The following CCDC163 variants were observed in gnomAD, a reference collection of about 807,000 sequenced individuals.
The protein encoded by CCDC163 is CCDC163 homolog, also known as transmembrane protein CCDC163.
Under a neutral mutation model 8.2 loss-of-function variants are expected in CCDC163, and 13 were observed. The observed-to-expected ratio is 1.59, with a 90% CI of 1.04 to 2.54. CCDC163 has a LOEUF of 2.54. Ranked by LOEUF, CCDC163 falls within the 30% of genes most tolerant of loss-of-function variation. The pLI, the probability that CCDC163 is intolerant of heterozygous loss-of-function variation, is 0.00. For missense variants in CCDC163, 117 were observed against 78.6 expected (o/e 1.49, Z -1.85); for synonymous variants, 41 against 30.9 (o/e 1.33, Z -1.08).
chr1:45,495,479 T>G, intron 4 of CCDC163: 1 of 702,778 alleles, frequency 1.4e-6, no homozygotes, highest in Non-Finnish European at 2.6e-6. Context: ...AAGAGCTGGA[T>G]GAAGAAACAG....
At position 45,495,121 on chromosome 1, in the gene CCDC163, T is replaced by C. The variant is rs143970888; in HGVS notation, c.376A>G (p.Ser126Gly). 2.2e-5 allele frequency: 17 copies of C among 780,792 alleles called. 1 individual carries two copies. In the Admixed American group the frequency reaches 2.5e-4, roughly 12 times the overall value. 48.4% of individuals were successfully genotyped at this position (780,792 alleles called of 1,614,324 possible). The change falls in exon 5 of 5, where the codon AGC (serine) becomes GGC (glycine). Residue 126 changes from serine to glycine, a missense_variant. Physicochemically the swap from Ser to Gly is moderately conservative, Grantham distance 56. Transcript: ENST00000629482. ...TTGCTTAAGACTCTGGGCATGGAGC[T>C]GAAAGATGCTGGGCTCCAGGTTAGA... ...PFLTWSPASF[S>G]SMPRVLSKRT...
rs1329507444 is a variant in CCDC163 at position 45,499,852 on chromosome 1, A to C, written c.-243T>G. On this transcript the variant is annotated 5_prime_UTR_variant, in exon 1 of 5. Coordinates refer to ENST00000629482, the MANE Select transcript of CCDC163 (RefSeq NM_001102601.3). ...AGCGGGATACCGTGATGATACGCAGATATCAGGTGGGGATTGAAGGTGCCA... is the reference window on the plus strand; with the variant it reads ...AGCGGGATACCGTGATGATACGCAGCTATCAGGTGGGGATTGAAGGTGCCA... The C allele has an allele frequency of 7.2e-6, 4 of 555,746 alleles. No individual in the cohort carries two copies. Among genetic ancestry groups the C allele is most frequent in the Admixed American group, 3.1e-5 (1 of 32,298 alleles). The allele number at this position is 555,746 out of a possible 1,614,324, so 34.4% of individuals were successfully genotyped here.
Position 45,497,323 on chromosome 1 carries a change from A to G in CCDC163, c.238T>C (p.Leu80=), listed in dbSNP as rs1458707003. The G allele has an allele frequency of 2.6e-6, 2 of 780,132 alleles. No individual in the cohort carries two copies. The highest frequency in any genetic ancestry group is 2.4e-6 in the Non-Finnish European group (1 of 417,576). The allele number at this position is 780,132 out of a possible 1,614,324, so 48.3% of individuals were successfully genotyped here. A position where few individuals can be genotyped will look rare whatever the true frequency, so the allele number is the denominator to read the frequency against. ...WEESEIMQKE[L]KLLQYQLSQH... ...CTCAACTGGTACTGCAGCAACTTCA[A>G]TTCCTTCTGCATAATCTCTGACTCC... Residue 80 remains leucine, a synonymous_variant, in exon 3 of 5, where the codon TTG becomes CTG. Transcript: ENST00000629482.
intron 4 of CCDC163, 54 bp from the exon 5 acceptor site, chr1:45,495,220 T>C: frequency 1.3e-6 from 1 of 779,944 alleles, no homozygotes; most frequent in South Asian, 1.3e-5. Context: ...CATTGTGATA[T>C]GCATAGAACT....
At chr1:45,495,404 G>A in intron 4 of CCDC163, 1 of 702,858 alleles carries the variant, frequency 1.4e-6, no homozygotes. Context: ...GGGAATCCTT[G>A]TCCTTATCCT....
At chr1:45,498,412 AAAAG>A (rs1177566909) in intron 2 of CCDC163, 1 of 155,882 alleles carries the variant, frequency 6.4e-6, no homozygotes, top group African/African-American at 2.4e-5. Flanking sequence ...AAAAAAAAAA[AAAAG>A]AAGGCAAGGT....
At chr1:45,496,787 CAA>C (rs1301273964) in intron 3 of CCDC163, among the ~76,000 whole-genome samples, 164 bp from the exon 4 acceptor site, 1 of 152,200 alleles carries the variant, frequency 6.6e-6, no homozygotes, top group Non-Finnish European at 1.5e-5. Flanking sequence ...CCATGAGAGA[CAA>C]AGAGTGCAAC....
chr1:45,499,642 T>A lies in CCDC163; in HGVS notation c.-33A>T, dbSNP rs776044639. 8.1e-6 allele frequency: 6 copies of A among 737,180 alleles called. No homozygotes were observed. In the South Asian group the frequency reaches 8.7e-5, roughly 11 times the overall value. The allele number at this position is 737,180 out of a possible 1,614,324, so 45.7% of individuals were successfully genotyped here. ...GGCAGGGGAGCGGCAGGGGTCTGGCTCCCTGGTGTCTTGTGCTTGCTCTCC... is the reference window on the plus strand; with the variant it reads ...GGCAGGGGAGCGGCAGGGGTCTGGCACCCTGGTGTCTTGTGCTTGCTCTCC... On this transcript the variant is annotated 5_prime_UTR_variant, in exon 1 of 5. Coordinates refer to ENST00000629482, the MANE Select transcript of CCDC163 (RefSeq NM_001102601.3).
chr1:45,497,771 C>T, intron 2 of CCDC163, among the ~76,000 whole-genome samples: 1 of 133,736 alleles, frequency 7.5e-6, no homozygotes. Flanking sequence ...GTGTCAGCCC[C>T]CCGCCCGGCC....
intron 4 of CCDC163, 179 bp downstream of exon 4, chr1:45,496,377 C>T (rs1263604420): frequency 1.3e-5 from 9 of 692,810 alleles, no homozygotes; most frequent in African/African-American, 3.5e-5. Flanking sequence ...TTCTCATGGC[C>T]GGGAGCAGAA....
rs560617593 is a variant in CCDC163, at chr1:45,499,601, C to G, written c.9G>C (p.Thr3=). MN[T]SLSWFEQLDV... ...CCAGCTGCTCAAACCAGCTGAGGCTCGTATTCATATCCTGTGGCAGGGGAG... is the reference window on the plus strand; with the variant it reads ...CCAGCTGCTCAAACCAGCTGAGGCTGGTATTCATATCCTGTGGCAGGGGAG... The change falls in exon 1 of 5, where the codon ACG becomes ACC. Residue 3 remains threonine (T), a synonymous_variant. Transcript: ENST00000629482. 10 of 771,340 alleles carry G rather than the reference C, an allele frequency of 1.3e-5. No individual in the cohort carries two copies. The Admixed American group carries it at 1.4e-4, about 11-fold the overall frequency. 47.8% of individuals were successfully genotyped at this position (771,340 alleles called of 1,614,324 possible).
chr1:45,495,135 C>T lies in CCDC163; in HGVS notation c.362G>A (p.Ser121Asn). ...IPRGAPFLTW[S>N]PASFSSMPRV... ...GGGCATGGAGCTGAAAGATGCTGGGCTCCAGGTTAGAAAGGGTGCTCCTCT... is the reference window on the plus strand; with the variant it reads ...GGGCATGGAGCTGAAAGATGCTGGGTTCCAGGTTAGAAAGGGTGCTCCTCT... Residue 121 changes from serine to asparagine, a missense_variant, in exon 5 of 5, where the codon AGC (serine) becomes AAC (asparagine). Coordinates refer to ENST00000629482, the MANE Select transcript of CCDC163 (RefSeq NM_001102601.3). 1 of 780,772 alleles carries T rather than the reference C, an allele frequency of 1.3e-6. No individual in the cohort carries two copies. 48.4% of individuals were successfully genotyped at this position (780,772 alleles called of 1,614,324 possible).
At chr1:45,495,940 G>A (rs1215669793) in intron 4 of CCDC163, among the ~76,000 whole-genome samples, 2 of 152,168 alleles carry the variant, frequency 1.3e-5, no homozygotes, top group South Asian at 2.1e-4. Flanking sequence ...TTATAGGCGT[G>A]AGCCACCGCG....
Position 45,497,198 on chromosome 1 carries a change from A to G in CCDC163, c.262+101T>C, listed in dbSNP as rs555168503. The G allele has an allele frequency of 6.7e-6, 4 of 599,490 alleles. No homozygotes were observed. The Admixed American group carries it at 1.2e-4, about 17-fold the overall frequency. 37.1% of individuals were successfully genotyped at this position (599,490 alleles called of 1,614,324 possible). A position where few individuals can be genotyped will look rare whatever the true frequency, so the allele number is the denominator to read the frequency against. On this transcript the variant is annotated intron_variant, in intron 3 of 4. Coordinates refer to ENST00000629482, the MANE Select transcript of CCDC163 (RefSeq NM_001102601.3). Reference sequence around the variant, plus strand: ...GGGCAACAGAGCAAGACTCCATCTCAAAAAGAATAAAAATAAATAAAAATA... The same window carrying G: ...GGGCAACAGAGCAAGACTCCATCTCGAAAAGAATAAAAATAAATAAAAATA...
Position 45,495,029 on chromosome 1 carries a change from T to A in CCDC163, c.*30A>T. The A allele has an allele frequency of 1.3e-6, 1 of 780,784 alleles. No individual in the cohort carries two copies. The highest frequency in any genetic ancestry group is 2.4e-6 in the Non-Finnish European group (1 of 417,946). The allele number at this position is 780,784 out of a possible 1,614,324, so 48.4% of individuals were successfully genotyped here. ...AGGGTGGGCAAAGAAGCCTTCATCC[T>A]ACTATTCTTAACGAGTCCTTACAGG... is the stretch of plus-strand genomic sequence containing the variant. On this transcript the variant is annotated 3_prime_UTR_variant, in exon 5 of 5. Coordinates refer to ENST00000629482, the MANE Select transcript of CCDC163 (RefSeq NM_001102601.3).
chr1:45,499,593 C>CTG lies in CCDC163; in HGVS notation c.15_16dup (p.Ser6ThrfsTer76), dbSNP rs1643482448. ...AAGCACATCCAGCTGCTCAAACCAG[C>CTG]TGAGGCTCGTATTCATATCCTGTGG... is the stretch of plus-strand genomic sequence containing the variant. On this transcript the variant is annotated frameshift_variant, in exon 1 of 5. Coordinates refer to ENST00000629482, the MANE Select transcript of CCDC163 (RefSeq NM_001102601.3). LOFTEE classifies it high-confidence loss of function. The CTG allele has an allele frequency of 7.8e-6, 6 of 773,496 alleles. No homozygotes were observed. In the South Asian group the frequency reaches 8.2e-5, roughly 11 times the overall value. 47.9% of individuals were successfully genotyped at this position (773,496 alleles called of 1,614,324 possible).
At chr1:45,497,275 C>T (rs375811358) in intron 3 of CCDC163, 24 bp downstream of exon 3, 6 of 771,294 alleles carry the variant, frequency 7.8e-6, no homozygotes, top group African/African-American at 5.1e-5. Flanking sequence ...AACGCATATT[C>T]GCCCCCAACC....
At chr1:45,495,428 T>C (rs1204665445) in intron 4 of CCDC163, 4 of 702,672 alleles carry the variant, frequency 5.7e-6, no homozygotes, top group South Asian at 4.4e-5. Flanking sequence ...CTGGCTTCCA[T>C]AAAAGTTCCC....
At position 45,494,953 on chromosome 1, in the gene CCDC163, C is replaced by A; in HGVS notation, c.*106G>T. On this transcript the variant is annotated 3_prime_UTR_variant, in exon 5 of 5. Transcript: ENST00000629482. ...CCTCAGTAGATAAGACAGATAATAG[C>A]TACTTCAAGAAGGTAGGGGCGGGCA... The A allele has an allele frequency of 1.4e-6, 1 of 736,534 alleles. No individual in the cohort carries two copies. Among genetic ancestry groups the A allele is most frequent in the South Asian group, 1.4e-5 (1 of 69,438 alleles). The allele number at this position is 736,534 out of a possible 1,614,324, so 45.6% of individuals were successfully genotyped here. A position where few individuals can be genotyped will look rare whatever the true frequency, so the allele number is the denominator to read the frequency against.
Sources: allele counts gnomAD v4.1 joint callset (sites outside exome capture counted in the v4.1 genomes callset), GRCh38; gene constraint gnomAD v4.1.1; transcripts MANE v1.5; gene names NCBI Gene and HGNC (gene_info 2026-07-23, HGNC 2026-07-21).